Variants in GULP1 observed in about 807,000 individuals in gnomAD.
The protein encoded by GULP1 is PTB domain-containing engulfment adapter protein 1.
A neutral mutation model predicts 40.9 loss-of-function variants in GULP1; 19 were observed. The observed-to-expected ratio is 0.46, with a 90% CI of 0.32 to 0.68. GULP1 has a LOEUF of 0.68. GULP1 is among the 30% of genes least tolerant of loss of function. The pLI is 0.03. For synonymous variants in GULP1, 119 were observed against 117.6 expected (o/e 1.01, Z -0.08); for missense variants, 312 against 362.2 (o/e 0.86, Z 1.12).
chr2:188,411,841 TC>T (rs1404305103), intron 2 of GULP1, among the ~76,000 whole-genome samples: 1 of 152,198 alleles, frequency 6.6e-6, no homozygotes, highest in Non-Finnish European at 1.5e-5. Flanking sequence ...TGGGAAGATT[TC>T]CCTTCTTCTG....
Position 188,595,612 on chromosome 2 carries a change from T to A in GULP1, c.*1601T>A, listed in dbSNP as rs1245156634. 2.0e-5 allele frequency: 3 copies of A among 152,160 alleles called. No homozygotes were observed. Among genetic ancestry groups the A allele is most frequent in the Non-Finnish European group, 1.5e-5 (1 of 67,738 alleles). The allele number at this position is 152,160 out of a possible 1,614,324, so 9.4% of individuals were successfully genotyped here. A position where few individuals can be genotyped will look rare whatever the true frequency, so the allele number is the denominator to read the frequency against. ...TAGAAGCCATATAAGTGGCTTTTTT[T>A]AACAGATAGAATTTGTATTTTTATT... On this transcript the variant is annotated 3_prime_UTR_variant, in exon 12 of 12. Coordinates refer to ENST00000409830, the MANE Select transcript of GULP1 (RefSeq NM_016315.4).
At chr2:188,493,257 A>C (rs2062582466) in intron 4 of GULP1, among the ~76,000 whole-genome samples, 1 of 151,674 alleles carries the variant, frequency 6.6e-6, no homozygotes, top group Non-Finnish European at 1.5e-5. Context: ...TTGCCTCAGA[A>C]CATTAGTCAT....
Position 188,594,231 on chromosome 2 carries a change from TTC to T in GULP1, c.*222_*223del, listed in dbSNP as rs1704125603. The T allele has an allele frequency of 5.7e-6, 2 of 347,882 alleles. No homozygotes were observed. Among genetic ancestry groups the T allele is most frequent in the East Asian group, 4.3e-5 (1 of 23,428 alleles). 21.5% of individuals were successfully genotyped at this position (347,882 alleles called of 1,614,324 possible). ...AAGTAGATCATACTTTTATGTTCCT[TTC>T]TGTTTCTACTGTAGATGAATTTGTA... is the stretch of plus-strand genomic sequence containing the variant. On this transcript the variant is annotated 3_prime_UTR_variant, in exon 12 of 12. Coordinates refer to ENST00000409830, the MANE Select transcript of GULP1 (RefSeq NM_016315.4).
At position 188,529,112 on chromosome 2, in the gene GULP1, A is replaced by G. The variant is rs1335367315; in HGVS notation, c.178A>G (p.Lys60Glu). Residue 60 changes from lysine (K) to glutamate (E), a missense_variant, in exon 6 of 12, where the codon AAG (lysine) becomes GAG (glutamate). Coordinates refer to ENST00000409830, the MANE Select transcript of GULP1 (RefSeq NM_016315.4). ...VRKLKFARHI[K>E]KSEGQKIPKV... is the part of the protein sequence containing the mutation. ...TCATTCGTAGTTTGCAAGACATATCAAGAAATCTGAAGGCCAGAAAATTCC... is the reference window on the plus strand; with the variant it reads ...TCATTCGTAGTTTGCAAGACATATCGAGAAATCTGAAGGCCAGAAAATTCC... The G allele has an allele frequency of 2.0e-6, 3 of 1,530,916 alleles. No individual in the cohort carries two copies. The highest frequency in any genetic ancestry group is 1.8e-6 in the Non-Finnish European group (2 of 1,112,362). The allele number at this position is 1,530,916 out of a possible 1,614,324, so 94.8% of individuals were successfully genotyped here. A position where few individuals can be genotyped will look rare whatever the true frequency, so the allele number is the denominator to read the frequency against.
chr2:188,542,684 A>G (rs1466955591), intron 7 of GULP1, among the ~76,000 whole-genome samples: 2 of 152,156 alleles, frequency 1.3e-5, no homozygotes, highest in African/African-American at 4.8e-5. Flanking sequence ...GACATTTTAT[A>G]TAGCTCAAAT....
intron 1 of GULP1, among the ~76,000 whole-genome samples, chr2:188,323,768 T>C (rs1167501365): frequency 2.0e-5 from 3 of 151,810 alleles, no homozygotes; most frequent in African/African-American, 4.8e-5. Flanking sequence ...GTTTTGTATG[T>C]GCTCATTAAA....
intron 2 of GULP1, among the ~76,000 whole-genome samples, chr2:188,444,643 G>C (rs940708166): frequency 2.0e-5 from 3 of 152,262 alleles, no homozygotes; most frequent in African/African-American, 7.2e-5. Flanking sequence ...TTGTATCATA[G>C]TAATTTCCGA....
At chr2:188,413,114 T>C (rs74578115) in intron 2 of GULP1, among the ~76,000 whole-genome samples, 75 of 152,356 alleles carry the variant, frequency 4.9e-4, no homozygotes, top group African/African-American at 1.7e-3. Flanking sequence ...ATAATACTTT[T>C]AATATATGTT....
chr2:188,532,493 G>A (rs995860764), intron 6 of GULP1, among the ~76,000 whole-genome samples: 5 of 152,316 alleles, frequency 3.3e-5, no homozygotes, highest in Non-Finnish European at 7.4e-5. Context: ...AATGGATCAT[G>A]TAATGCAAAT....
intron 2 of GULP1, among the ~76,000 whole-genome samples, chr2:188,397,740 C>A (rs796558138): frequency 1.3e-5 from 2 of 152,318 alleles, no homozygotes; most frequent in African/African-American, 4.8e-5. Flanking sequence ...CAACTGCAGT[C>A]ATTCACAGCC....
chr2:188,402,617 A>G (rs995364751), intron 2 of GULP1, among the ~76,000 whole-genome samples: 6 of 151,976 alleles, frequency 3.9e-5, no homozygotes, highest in Non-Finnish European at 8.8e-5. Flanking sequence ...CTTTAATTAG[A>G]CTATGCTGGG....
intron 11 of GULP1, chr2:188,589,690 A>G (rs993840674): frequency 1.8e-6 from 2 of 1,095,482 alleles, no homozygotes; most frequent in Non-Finnish European, 2.5e-6. Context: ...GCTGTTTCTA[A>G]TATTTTCTTA....
intron 2 of GULP1, among the ~76,000 whole-genome samples, chr2:188,396,918 G>A (rs922793103): frequency 1.4e-4 from 21 of 152,074 alleles, no homozygotes; most frequent in Admixed American, 1.1e-3. Flanking sequence ...TATTGCCCAC[G>A]GCTCCCTAAA....
chr2:188,579,163 A>G (rs1373635963), intron 9 of GULP1, among the ~76,000 whole-genome samples: 1 of 152,150 alleles, frequency 6.6e-6, no homozygotes. Flanking sequence ...GGAATCAAAA[A>G]CTCAAACTTT....
chr2:188,355,361 T>C (rs1438503442), intron 1 of GULP1, among the ~76,000 whole-genome samples: 2 of 151,920 alleles, frequency 1.3e-5, no homozygotes, highest in African/African-American at 2.4e-5. Context: ...ACAACTGATA[T>C]CACAGAAATA....
intron 9 of GULP1, among the ~76,000 whole-genome samples, chr2:188,576,558 A>G (rs931051603): frequency 6.6e-6 from 1 of 152,164 alleles, no homozygotes; most frequent in Non-Finnish European, 1.5e-5. Flanking sequence ...CTTCATGTAT[A>G]TAAAATATTT....
At chr2:188,345,468 T>C (rs2043518527) in intron 1 of GULP1, among the ~76,000 whole-genome samples, 1 of 152,176 alleles carries the variant, frequency 6.6e-6, no homozygotes, top group Admixed American at 6.5e-5. Context: ...GGGAACAATT[T>C]TTTAAAAAAG....
At chr2:188,463,075 T>C (rs1424872696) in intron 2 of GULP1, among the ~76,000 whole-genome samples, 1 of 152,174 alleles carries the variant, frequency 6.6e-6, no homozygotes, top group Non-Finnish European at 1.5e-5. Context: ...TGTTGTAATA[T>C]TCTCTGTTTT....
At chr2:188,548,938 CTCT>C (rs2153366208) in intron 7 of GULP1, among the ~76,000 whole-genome samples, 1 of 151,872 alleles carries the variant, frequency 6.6e-6, no homozygotes, top group Non-Finnish European at 1.5e-5. Flanking sequence ...AAACCTCACA[CTCT>C]ATCTAAAAAT....
Sources: gnomAD v4.1 joint callset for allele counts (sites outside exome capture counted in the v4.1 genomes callset) on GRCh38, gnomAD v4.1.1 for gene constraint, MANE v1.5 for transcripts, NCBI Gene and HGNC (gene_info 2026-07-23, HGNC 2026-07-21) for gene names.